ATG4C: variants seen among roughly 807,000 people sequenced by gnomAD.
ATG4C encodes cysteine protease ATG4C.
Under a neutral mutation model 57.6 loss-of-function variants are expected in ATG4C, and 56 were observed. The observed-to-expected ratio is 0.97, with a 90% CI of 0.78 to 1.21. The LOEUF (loss-of-function observed/expected upper bound fraction) is 1.21. Ranked by LOEUF, ATG4C falls within the 50% of genes most tolerant of loss-of-function variation. ATG4C has a pLI of 0.00. For synonymous variants in ATG4C, 157 were observed against 174.1 expected (o/e 0.90, Z 0.78); for missense variants, 595 against 529.8 (o/e 1.12, Z -1.21).
At chr1:62,857,400 T>C (rs1199213574) in intron 10 of ATG4C, among the ~76,000 whole-genome samples, 4 of 152,194 alleles carry the variant, frequency 2.6e-5, no homozygotes, top group Non-Finnish European at 5.9e-5. Flanking sequence ...CTGTCTCCCA[T>C]CATCCCCAGA....
At chr1:62,840,679 ACT>A (rs1666139982) in intron 9 of ATG4C, among the ~76,000 whole-genome samples, 1 of 152,208 alleles carries the variant, frequency 6.6e-6, no homozygotes, top group Non-Finnish European at 1.5e-5. Flanking sequence ...GCCAAACTCT[ACT>A]AACAGCCAAA....
chr1:62,848,308 A>G (rs1168357084), intron 10 of ATG4C, among the ~76,000 whole-genome samples: 1 of 152,196 alleles, frequency 6.6e-6, no homozygotes, highest in Non-Finnish European at 1.5e-5. Flanking sequence ...GTGTCATCAA[A>G]AACTTGAGTC....
intron 10 of ATG4C, among the ~76,000 whole-genome samples, chr1:62,862,007 C>T (rs1666874237): frequency 6.6e-6 from 1 of 152,136 alleles, no homozygotes. Flanking sequence ...ATTAAAGCTG[C>T]TATTATAAAC....
chr1:62,833,912 A>T, intron 7 of ATG4C, 126 bp from the exon 8 acceptor site: 1 of 740,820 alleles, frequency 1.3e-6, no homozygotes, highest in Non-Finnish European at 2.2e-6. Flanking sequence ...CTGGGTGCAA[A>T]TGTAATATAA....
At chr1:62,841,601 G>A in intron 10 of ATG4C, 54 bp downstream of exon 10, 2 of 1,405,656 alleles carry the variant, frequency 1.4e-6, no homozygotes, top group Non-Finnish European at 1.9e-6. Flanking sequence ...ATTAGAAACA[G>A]ACTGTCAGAA....
At chr1:62,813,076 C>T (rs1665140746) in intron 3 of ATG4C, among the ~76,000 whole-genome samples, 1 of 152,162 alleles carries the variant, frequency 6.6e-6, no homozygotes, top group Non-Finnish European at 1.5e-5. Context: ...AATGCTATCC[C>T]CATCAAGCTA....
chr1:62,805,093 A>C, intron 2 of ATG4C, 79 bp from the exon 3 acceptor site: 1 of 1,438,192 alleles, frequency 7.0e-7, no homozygotes, highest in Non-Finnish European at 9.1e-7. Flanking sequence ...AAATTAAATA[A>C]AAGAAAACGC....
intron 9 of ATG4C, among the ~76,000 whole-genome samples, chr1:62,836,784 G>A (rs1316530009): frequency 6.6e-6 from 1 of 151,958 alleles, no homozygotes; most frequent in African/African-American, 2.4e-5. Flanking sequence ...GTTAATAGAT[G>A]GAGAAATTGA....
intron 1 of ATG4C, among the ~76,000 whole-genome samples, chr1:62,792,147 C>T (rs1334255357): frequency 6.6e-6 from 1 of 152,184 alleles, no homozygotes; most frequent in Non-Finnish European, 1.5e-5. Flanking sequence ...CAGGCACCCA[C>T]CACCATGCCC....
intron 10 of ATG4C, among the ~76,000 whole-genome samples, chr1:62,856,569 T>C (rs1666688953): frequency 6.6e-6 from 1 of 152,204 alleles, no homozygotes; most frequent in Non-Finnish European, 1.5e-5. Context: ...ACAGGTATAG[T>C]AATTTGCCCA....
chr1:62,809,518 TTATA>T (rs1344952298), intron 3 of ATG4C, among the ~76,000 whole-genome samples: 1 of 147,000 alleles, frequency 6.8e-6, no homozygotes, highest in Non-Finnish European at 1.5e-5. Context: ...ACAATTATAA[TTATA>T]TAATTATAAT....
At chr1:62,857,774 T>C (rs907572009) in intron 10 of ATG4C, among the ~76,000 whole-genome samples, 5 of 152,166 alleles carry the variant, frequency 3.3e-5, no homozygotes, top group Non-Finnish European at 5.9e-5. Flanking sequence ...ACAAACACCA[T>C]TGGTTATCTG....
chr1:62,861,738 G>T (rs1312485833), intron 10 of ATG4C, among the ~76,000 whole-genome samples: 1 of 151,852 alleles, frequency 6.6e-6, no homozygotes, highest in Non-Finnish European at 1.5e-5. Context: ...TAACATAATT[G>T]AAACTAAATT....
Position 62,841,563 on chromosome 1 carries a change from A to C in ATG4C, c.1209+16A>C, listed in dbSNP as rs753863714. The C allele has an allele frequency of 9.7e-6, 15 of 1,544,914 alleles. No individual in the cohort carries two copies. The highest frequency in any genetic ancestry group is 1.3e-5 in the Non-Finnish European group (15 of 1,147,294). On this transcript the variant is annotated intron_variant, in intron 10 of 10. Transcript: ENST00000317868. ...AATCACCAAGGTATCTTTATTTAAAATATTATATTTGTAAATGACCTAATT... is the reference window on the plus strand; with the variant it reads ...AATCACCAAGGTATCTTTATTTAAACTATTATATTTGTAAATGACCTAATT...
chr1:62,851,416 T>C (rs1005773001), intron 10 of ATG4C, among the ~76,000 whole-genome samples: 6 of 152,232 alleles, frequency 3.9e-5, no homozygotes. Flanking sequence ...TTAACTCTTT[T>C]AGCTATTTAT....
chr1:62,788,457 A>G (rs963336239), intron 1 of ATG4C, among the ~76,000 whole-genome samples: 146 of 146,330 alleles, frequency 1.0e-3, no homozygotes, highest in African/African-American at 3.2e-3. Flanking sequence ...ACACACACAC[A>G]CACCTTTTTT....
intron 10 of ATG4C, among the ~76,000 whole-genome samples, chr1:62,844,904 T>C (rs1666283416): frequency 6.6e-6 from 1 of 152,120 alleles, no homozygotes; most frequent in African/African-American, 2.4e-5. Context: ...CCGTACATGT[T>C]GATCTAGCTT....
At chr1:62,845,255 G>C (rs190406244) in intron 10 of ATG4C, among the ~76,000 whole-genome samples, 145 of 152,086 alleles carry the variant, frequency 9.5e-4, no homozygotes, top group African/African-American at 2.9e-3. Flanking sequence ...ATCAACACTT[G>C]ATATTGTCAA....
intron 9 of ATG4C, among the ~76,000 whole-genome samples, chr1:62,837,560 A>G (rs963510232): frequency 6.6e-6 from 1 of 152,148 alleles, no homozygotes; most frequent in African/African-American, 2.4e-5. Context: ...ATTAATAGAC[A>G]TGTCAGTTTG....
Sources: gnomAD v4.1 joint callset for allele counts (sites outside exome capture counted in the v4.1 genomes callset) on GRCh38, gnomAD v4.1.1 for gene constraint, MANE v1.5 for transcripts, NCBI Gene and HGNC (gene_info 2026-07-23, HGNC 2026-07-21) for gene names.